Variants in CLTB observed in about 807,000 individuals in gnomAD.
CLTB encodes the protein clathrin, light chain (Lcb).
Under a neutral mutation model 30.5 loss-of-function variants are expected in CLTB, and 10 were observed. The observed-to-expected ratio is 0.33, with a 90% CI of 0.20 to 0.56. The LOEUF is 0.56. Ranked by LOEUF, CLTB falls within the 20% of genes least tolerant of loss-of-function variation. CLTB has a pLI of 0.91. For missense variants in CLTB, 261 were observed against 308.3 expected, an observed-to-expected ratio of 0.85 and a Z score of 1.15; for synonymous variants, 102 against 120.3, an observed-to-expected ratio of 0.85 and a Z score of 1.00.
At chr5:176,406,920 C>T (rs569588599) in intron 2 of CLTB, among the ~76,000 whole-genome samples, 6 of 152,298 alleles carry the variant, frequency 3.9e-5, no homozygotes, top group African/African-American at 1.2e-4. Context: ...CACACCGGGT[C>T]GGAGCCCAGG....
chr5:176,414,960 T>G (rs1561803514), intron 1 of CLTB, among the ~76,000 whole-genome samples: 1 of 152,176 alleles, frequency 6.6e-6, no homozygotes, highest in Non-Finnish European at 1.5e-5. Context: ...TAAACATCAT[T>G]AACCAAAATA....
intron 2 of CLTB, among the ~76,000 whole-genome samples, chr5:176,402,253 G>A (rs1366267296): frequency 2.6e-5 from 4 of 152,142 alleles, no homozygotes; most frequent in African/African-American, 7.2e-5. Flanking sequence ...AGCCGAGATC[G>A]TGCCACTGTA....
At chr5:176,403,757 T>G (rs1041525617) in intron 2 of CLTB, among the ~76,000 whole-genome samples, 2 of 150,494 alleles carry the variant, frequency 1.3e-5, no homozygotes, top group Non-Finnish European at 3.0e-5. Flanking sequence ...CGGCCTGTTT[T>G]TGTGTGTGTG....
chr5:176,411,388 C>T (rs1174207036), intron 1 of CLTB, among the ~76,000 whole-genome samples: 2 of 152,142 alleles, frequency 1.3e-5, no homozygotes, highest in African/African-American at 2.4e-5. Context: ...TGGCCTATAG[C>T]GCCTACTCCT....
At chr5:176,397,163 C>T (rs1003761212) in intron 4 of CLTB, among the ~76,000 whole-genome samples, 3 of 152,140 alleles carry the variant, frequency 2.0e-5, no homozygotes, top group African/African-American at 7.2e-5. Context: ...CGTGCCTACC[C>T]CAGAGCCTGG....
intron 2 of CLTB, chr5:176,406,094 TCC>T (rs1757108842): frequency 1.1e-6 from 1 of 948,076 alleles, no homozygotes; most frequent in Admixed American, 6.2e-5. Context: ...CCTGCCCCTG[TCC>T]CCACCCCTAC....
intron 1 of CLTB, among the ~76,000 whole-genome samples, chr5:176,414,984 A>G (rs1757624604): frequency 6.6e-6 from 1 of 152,216 alleles, no homozygotes; most frequent in Non-Finnish European, 1.5e-5. Context: ...CTATATGTAT[A>G]TATGTTAGCA....
intron 2 of CLTB, among the ~76,000 whole-genome samples, chr5:176,399,063 C>T (rs1756688516): frequency 6.6e-6 from 1 of 152,028 alleles, no homozygotes; most frequent in Non-Finnish European, 1.5e-5. Flanking sequence ...AGGCTGATCT[C>T]GAACTCCCGA....
At chr5:176,412,088 A>ATCACT (rs1209120175) in intron 1 of CLTB, among the ~76,000 whole-genome samples, 2 of 150,218 alleles carry the variant, frequency 1.3e-5, no homozygotes, top group Non-Finnish European at 3.0e-5. Flanking sequence ...AGGCAGGAGA[A>ATCACT]TGGTGTGAAC....
chr5:176,392,995 C>T lies in CLTB; in HGVS notation c.519-50G>A, dbSNP rs72807216. 0.069 allele frequency: 110,872 copies of T among 1,607,794 alleles called. 4,409 individuals carry two copies. The highest frequency in any genetic ancestry group is 0.081 in the Non-Finnish European group (94,986 of 1,174,998). ...TTTATAGCAGTCTGCTTTCCCCCAGCCTTGCCCTTGAGCAAGGCTGCTTTG... is the reference window on the plus strand; with the variant it reads ...TTTATAGCAGTCTGCTTTCCCCCAGTCTTGCCCTTGAGCAAGGCTGCTTTG... On this transcript the variant is annotated intron_variant, in intron 5 of 5. Coordinates refer to ENST00000310418, the MANE Select transcript of CLTB (RefSeq NM_007097.5). This position sits in a 1 kb window ranked among gnomAD's most constrained non-coding sequence, Gnocchi z 5.2.
At chr5:176,400,263 G>C (rs553408126) in intron 2 of CLTB, among the ~76,000 whole-genome samples, 100 of 152,236 alleles carry the variant, frequency 6.6e-4, no homozygotes, top group Middle Eastern at 3.4e-3. Context: ...TCTAAGAGCT[G>C]TTATGATTTA....
Position 176,397,971 on chromosome 5 carries a change from C to T in CLTB, c.311G>A (p.Arg104His), listed in dbSNP as rs372564708. 39 of 1,613,974 alleles carry T rather than the reference C, an allele frequency of 2.4e-5. No homozygotes were observed. The highest frequency in any genetic ancestry group is 4.5e-5 in the East Asian group (2 of 44,880). Residue 104 changes from arginine to histidine, a missense_variant, in exon 3 of 6, where the codon CGC (arginine) becomes CAC (histidine). Physicochemically the swap from Arg to His is conservative, Grantham distance 29 (BLOSUM62 0). Around this residue, in one of 3 missense-constraint regions of CLTB, gnomAD observed 123 missense variants for 157.0 expected, o/e 0.78. Coordinates refer to ENST00000310418, the MANE Select transcript of CLTB (RefSeq NM_007097.5). ...DRLTQEPESI[R>H]KWREEQRKRL... ...TTTCCTCTGCTCCTCTCGCCACTTG[C>T]GGATGCTCTCAGGCTCCTGGGTCAG... is the stretch of plus-strand genomic sequence containing the variant.
At chr5:176,400,446 C>T (rs1756762403) in intron 2 of CLTB, among the ~76,000 whole-genome samples, 2 of 152,100 alleles carry the variant, frequency 1.3e-5, no homozygotes, top group African/African-American at 2.4e-5. Context: ...AGTCCAGGTC[C>T]CTGACTCCCA....
rs928571864 is a variant in CLTB, at chr5:176,392,938, C to T, written c.526G>A (p.Glu176Lys). The change falls in exon 6 of 6, where the codon GAG becomes AAG. Residue 176 changes from glutamate (E) to lysine (K), a missense_variant. Around this residue, in one of 3 missense-constraint regions of CLTB, gnomAD observed 123 missense variants for 157.0 expected, o/e 0.78. Coordinates refer to ENST00000310418, the MANE Select transcript of CLTB (RefSeq NM_007097.5). The surrounding 1 kb of genome is among the most constrained non-coding windows in gnomAD (Gnocchi z 5.2). ...TTGGATTCCTTCACGAAAGCCTCCT[C>T]GGATGCCCTGCGGGTGGAGATAGGA... ...DADIIGYVAS[E>K]EAFVKESKEE... 25 of 1,614,010 alleles carry T rather than the reference C, an allele frequency of 1.5e-5. No individual in the cohort carries two copies. Among genetic ancestry groups the T allele is most frequent in the African/African-American group, 2.7e-5 (2 of 74,940 alleles).
chr5:176,416,459 G>T lies in CLTB; in HGVS notation c.-96C>A. 1 of 997,518 alleles carries T rather than the reference G, an allele frequency of 1.0e-6. No individual in the cohort carries two copies. The highest frequency in any genetic ancestry group is 1.2e-6 in the Non-Finnish European group (1 of 830,528). The allele number at this position is 997,518 out of a possible 1,614,324, so 61.8% of individuals were successfully genotyped here. ...CGGCCGCGACGCTGTCACCCGAGCC[G>T]CGGGGGAGCCGGCGTCGGCGGGGAC... On this transcript the variant is annotated 5_prime_UTR_variant, in exon 1 of 6. Transcript: ENST00000310418.
intron 5 of CLTB, 31 bp downstream of exon 5, chr5:176,396,448 C>T (rs1418485184): frequency 1.9e-6 from 3 of 1,586,600 alleles, no homozygotes; most frequent in South Asian, 2.2e-5. Flanking sequence ...CTCTCTAGCT[C>T]CCCCAACAGA....
chr5:176,394,591 G>A (rs369337755), intron 5 of CLTB, among the ~76,000 whole-genome samples: 4 of 148,962 alleles, frequency 2.7e-5, no homozygotes, highest in East Asian at 3.9e-4. Flanking sequence ...GCCAAGGTGG[G>A]CGGATCACGA....
Position 176,410,313 on chromosome 5 carries a change from G to T in CLTB, c.188-10C>A. ...ATGTCCTCAGAACCAGCTGGAAAGA[G>T]AACAAGGAGATAGCATTACTCACTG... On this transcript the variant is annotated splice_polypyrimidine_tract_variant and intron_variant, in intron 1 of 5. Transcript: ENST00000310418. 1 of 1,613,180 alleles carries T rather than the reference G, an allele frequency of 6.2e-7. No individual in the cohort carries two copies. The highest frequency in any genetic ancestry group is 8.5e-7 in the Non-Finnish European group (1 of 1,179,294).
At position 176,393,217 on chromosome 5, in the gene CLTB, G is replaced by A. The variant is rs568019605; in HGVS notation, c.519-272C>T. On this transcript the variant is annotated intron_variant, in intron 5 of 5. Coordinates refer to ENST00000310418, the MANE Select transcript of CLTB (RefSeq NM_007097.5). This position sits in a 1 kb window ranked among gnomAD's most constrained non-coding sequence, Gnocchi z 4.4. ...CTTCTTGTCATTCAGGTCTCAGTGC[G>A]GGCCTCACCTCCTCAGAAAGTCTTC... Among the ~76,000 whole-genome samples, 1 of 152,210 alleles carries A rather than the reference G, an allele frequency of 6.6e-6. No individual in the cohort carries two copies. Among genetic ancestry groups the A allele is most frequent in the African/African-American group, 2.4e-5 (1 of 41,542 alleles).
Sources: gnomAD v4.1 joint callset for allele counts (sites outside exome capture counted in the v4.1 genomes callset) on GRCh38, gnomAD v4.1.1 for gene constraint, gnomAD v4.1.1 regional missense constraint, Gnocchi (gnomAD v3.1) non-coding constraint, MANE v1.5 for transcripts, NCBI Gene and HGNC (gene_info 2026-07-23, HGNC 2026-07-21) for gene names.